Variants in DNAH7 observed in about 807,000 individuals in gnomAD.
The protein encoded by DNAH7 is dynein axonemal heavy chain 7.
DNAH7 carries 397 observed loss-of-function variants against 444.6 expected under a neutral mutation model. The observed-to-expected ratio is 0.89, with a 90% confidence interval of 0.82 to 0.97. The LOEUF (loss-of-function observed/expected upper bound fraction) is 0.97. DNAH7 is among the 50% of genes least tolerant of loss of function. DNAH7 has a pLI of 0.00. For missense variants in DNAH7, 4,902 were observed against 4,800.8 expected, an observed-to-expected ratio of 1.02 and a Z score of -0.62; for synonymous variants, 1,636 against 1,624.4, an observed-to-expected ratio of 1.01 and a Z score of -0.17.
intron 19 of DNAH7, among the ~76,000 whole-genome samples, chr2:195,953,108 G>A (rs1176708751): frequency 6.6e-6 from 1 of 152,084 alleles, no homozygotes; most frequent in Non-Finnish European, 1.5e-5. Context: ...ACCTTCGGAT[G>A]GGGTTTTTGT....
At chr2:196,020,984 T>A (rs1018437914) in intron 8 of DNAH7, among the ~76,000 whole-genome samples, 1 of 152,176 alleles carries the variant, frequency 6.6e-6, no homozygotes, top group Admixed American at 6.5e-5. Context: ...GTTCCATCCT[T>A]CAAACTATTT....
intron 46 of DNAH7, among the ~76,000 whole-genome samples, chr2:195,847,170 A>T (rs1699054676): frequency 1.4e-5 from 2 of 141,140 alleles, no homozygotes; most frequent in Admixed American, 1.4e-4. Context: ...ATATATAAAC[A>T]GATATATATA....
chr2:195,958,298 TAATG>T (rs1690836619), intron 18 of DNAH7, among the ~76,000 whole-genome samples: 3 of 152,168 alleles, frequency 2.0e-5, no homozygotes, highest in Non-Finnish European at 2.9e-5. Flanking sequence ...CACTGGCACT[TAATG>T]AATAGTAAAT....
intron 51 of DNAH7, among the ~76,000 whole-genome samples, chr2:195,814,703 TATA>T (rs1697141947): frequency 6.6e-6 from 1 of 152,180 alleles, no homozygotes. Context: ...ATTGTGTGGC[TATA>T]ATGTGATTAG....
intron 38 of DNAH7, among the ~76,000 whole-genome samples, chr2:195,874,542 G>C (rs900526774): frequency 6.6e-5 from 10 of 152,138 alleles, no homozygotes; most frequent in Middle Eastern, 3.4e-3. Context: ...TTGGGGTGGT[G>C]GGGGAGAGAC....
In DNAH7 at chr2:196,047,340, T is replaced by A. The variant is rs371950943; in HGVS notation, c.398+12A>T. The A allele has an allele frequency of 5.8e-6, 9 of 1,563,170 alleles. No homozygotes were observed. The highest frequency in any genetic ancestry group is 7.8e-6 in the Non-Finnish European group (9 of 1,152,364). On this transcript the variant is annotated intron_variant, in intron 5 of 64. Coordinates refer to ENST00000312428, the MANE Select transcript of DNAH7 (RefSeq NM_018897.3). Reference sequence around the variant, plus strand: ...CATGGGTAACACGTAATGGTTAGCCTATACAACTTACATAATGACATTAAC... The same window carrying A: ...CATGGGTAACACGTAATGGTTAGCCAATACAACTTACATAATGACATTAAC...
In DNAH7 at chr2:195,872,330, G is replaced by A. The variant is rs377517600; in HGVS notation, c.6553C>T (p.Arg2185Cys). 11 of 1,613,844 alleles carry A rather than the reference G, an allele frequency of 6.8e-6. No individual in the cohort carries two copies. Among genetic ancestry groups the A allele is most frequent in the South Asian group, 2.2e-5 (2 of 91,052 alleles). ...HYLFNLRDFS[R>C]VIQGVCLSRP... ...GACAAACAAACACCTTGAATGACAC[G>A]GGAGAAATCACGGAGGTTGAACAAG... The change falls in exon 40 of 65, where the codon CGT (arginine) becomes TGT (cysteine). Residue 2185 changes from arginine to cysteine, a missense_variant. By Grantham distance (180) the Arg-to-Cys change is radical. Coordinates refer to ENST00000312428, the MANE Select transcript of DNAH7 (RefSeq NM_018897.3).
At chr2:195,753,621 G>T (rs1242517565) in intron 63 of DNAH7, among the ~76,000 whole-genome samples, 4 of 152,158 alleles carry the variant, frequency 2.6e-5, no homozygotes, top group African/African-American at 9.7e-5. Context: ...CAGGCACTTA[G>T]AGATTAATGT....
At chr2:195,876,478 G>C in intron 37 of DNAH7, 66 bp downstream of exon 37, 1 of 1,438,022 alleles carries the variant, frequency 7.0e-7, no homozygotes, top group Non-Finnish European at 9.5e-7. Flanking sequence ...CAGGATATTT[G>C]GTTTCCTTGT....
At chr2:195,757,791 G>A (rs1410770835) in intron 61 of DNAH7, among the ~76,000 whole-genome samples, 1 of 152,158 alleles carries the variant, frequency 6.6e-6, no homozygotes, top group South Asian at 2.1e-4. Flanking sequence ...TAAATCTTGG[G>A]AATGAATGTC....
rs2125532834 is a variant in DNAH7, at chr2:195,961,334, C to G, written c.2206-389G>C. On this transcript the variant is annotated intron_variant, in intron 17 of 64. Coordinates refer to ENST00000312428, the MANE Select transcript of DNAH7 (RefSeq NM_018897.3). ...AGTTACCAATTTGTACAATAGATAC[C>G]TAAACGTATTCCTCCTAACTGAAAT... Among the ~76,000 whole-genome samples, 4 of 151,730 alleles carry G rather than the reference C, an allele frequency of 2.6e-5. No individual in the cohort carries two copies. The Middle Eastern group carries it at 0.014, about 520-fold the overall frequency.
At chr2:195,828,755 C>A (rs1462520030) in intron 48 of DNAH7, among the ~76,000 whole-genome samples, 1 of 151,624 alleles carries the variant, frequency 6.6e-6, no homozygotes, top group Non-Finnish European at 1.5e-5. Flanking sequence ...AAGTGAGACT[C>A]TGACCTAAAA....
intron 34 of DNAH7, among the ~76,000 whole-genome samples, chr2:195,885,493 A>G (rs1420510501): frequency 6.6e-6 from 1 of 152,196 alleles, no homozygotes; most frequent in Non-Finnish European, 1.5e-5. Flanking sequence ...TTACTCACAG[A>G]CTTTCTCTCC....
rs145992978 is a variant in DNAH7 at position 195,820,831 on chromosome 2, C to T, written c.9292-3002G>A. ...AAGAAACAACCCCATGGGCAAACTA[C>T]CTACATGTAGCAGATTATAATCAAC... On this transcript the variant is annotated intron_variant, in intron 49 of 64. Coordinates refer to ENST00000312428, the MANE Select transcript of DNAH7 (RefSeq NM_018897.3). Among the ~76,000 whole-genome samples the T allele has an allele frequency of 4.2e-3, 645 of 152,270 alleles. 7 individuals are homozygous for T. Among genetic ancestry groups the T allele is most frequent in the African/African-American group, 0.015 (619 of 41,564 alleles).
chr2:196,039,995 T>G (rs894388482), intron 5 of DNAH7, among the ~76,000 whole-genome samples: 5 of 151,406 alleles, frequency 3.3e-5, no homozygotes, highest in African/African-American at 1.2e-4. Context: ...AGGGAAGAAA[T>G]AGACAAATAA....
chr2:195,975,249 GC>G (rs1040075593), intron 15 of DNAH7, among the ~76,000 whole-genome samples: 3 of 149,532 alleles, frequency 2.0e-5, no homozygotes, highest in African/African-American at 7.4e-5. Flanking sequence ...CCCTCCCCTG[GC>G]CCCCCGCATC....
intron 42 of DNAH7, among the ~76,000 whole-genome samples, chr2:195,860,318 A>G (rs1256621375): frequency 6.6e-6 from 1 of 152,112 alleles, no homozygotes. Flanking sequence ...AATTTAATCA[A>G]TCTCCAAGAG....
At position 195,984,681 on chromosome 2, in the gene DNAH7, T is replaced by C. The variant is rs767240189; in HGVS notation, c.1784A>G (p.Glu595Gly). The change falls in exon 15 of 65, where the codon GAA becomes GGA. Residue 595 changes from glutamate (E) to glycine (G), a missense_variant. Glu to Gly is a moderately conservative substitution (Grantham distance 98). Transcript: ENST00000312428. ...ATTTGGAGGAGTGCTAAGAGCTTTT[T>C]CAGCTATCCTCTCAAATTCATCGCA... ...RLCDEFERIAEKALSTPPNTA... is the reference protein window; with the variant it reads ...RLCDEFERIAGKALSTPPNTA... 38 of 1,614,016 alleles carry C rather than the reference T, an allele frequency of 2.4e-5. No homozygotes were observed. The highest frequency in any genetic ancestry group is 3.1e-5 in the Non-Finnish European group (37 of 1,179,962).
intron 57 of DNAH7, among the ~76,000 whole-genome samples, chr2:195,791,627 C>T (rs1695883395): frequency 6.6e-6 from 1 of 152,112 alleles, no homozygotes; most frequent in African/African-American, 2.4e-5. Context: ...GCACTAATTG[C>T]AACAGCAAAG....
Sources: gnomAD v4.1 joint callset for allele counts (sites outside exome capture counted in the v4.1 genomes callset) on GRCh38, gnomAD v4.1.1 for gene constraint, MANE v1.5 for transcripts, NCBI Gene and HGNC (gene_info 2026-07-23, HGNC 2026-07-21) for gene names.